Variants in ATP2B2 observed in about 807,000 individuals in gnomAD.
ATP2B2 encodes ATPase plasma membrane Ca2+ transporting 2.
In ATP2B2, 15 loss-of-function variants were observed where a neutral mutation model predicts 120.0. The ratio of observed to expected loss-of-function variants is 0.12; its 90% confidence interval spans 0.08 to 0.19. ATP2B2 has a LOEUF of 0.19. Ranked by LOEUF, ATP2B2 falls within the 10% of genes least tolerant of loss-of-function variation. ATP2B2 has a pLI of 1.00. For synonymous variants in ATP2B2, 694 were observed against 700.3 expected, an observed-to-expected ratio of 0.99 and a Z score of 0.14; for missense variants, 1,045 against 1,719.8, an observed-to-expected ratio of 0.61 and a Z score of 6.94.
At chr3:10,475,188 A>C (rs1366223500) in intron 1 of ATP2B2, among the ~76,000 whole-genome samples, 1 of 152,248 alleles carries the variant, frequency 6.6e-6, no homozygotes, top group African/African-American at 2.4e-5. Flanking sequence ...GAAAAAATGA[A>C]GAGACAAAAG....
chr3:10,387,266 C>T (rs145175642), intron 6 of ATP2B2, among the ~76,000 whole-genome samples: 2,646 of 152,338 alleles, frequency 0.017, 56 homozygotes, highest in Non-Finnish European at 0.025. Context: ...GCTGGAGGGG[C>T]CACCATAATC....
chr3:10,366,888 A>G (rs1206952994), intron 12 of ATP2B2, among the ~76,000 whole-genome samples: 2 of 152,222 alleles, frequency 1.3e-5, no homozygotes, highest in Non-Finnish European at 1.5e-5. Context: ...CTAAAAGATG[A>G]TTCACACAGC....
rs371159930 is a variant in ATP2B2 at position 10,375,538 on chromosome 3, G to A, written c.1308C>T (p.Tyr436=). The A allele has an allele frequency of 1.7e-5, 27 of 1,613,594 alleles. No individual in the cohort carries two copies. Among genetic ancestry groups the A allele is most frequent in the East Asian group, 6.7e-5 (3 of 44,902 alleles). The part of the protein sequence containing the change: ...KPWLPECTPV[Y]VQYFVKFFII... ...TGAAGAACTTGACAAAGTACTGCAC[G>A]TAGACGGGCGTGCACTCAGGCAGCC... Residue 436 remains tyrosine (Y), a synonymous_variant, in exon 11 of 23, where the codon TAC becomes TAT. Coordinates refer to ENST00000360273, the MANE Select transcript of ATP2B2 (RefSeq NM_001001331.4). This position sits in a 1 kb window ranked among gnomAD's most constrained non-coding sequence, Gnocchi z 4.2.
At chr3:10,399,776 G>T (rs977073645) in intron 5 of ATP2B2, among the ~76,000 whole-genome samples, 1 of 152,150 alleles carries the variant, frequency 6.6e-6, no homozygotes, top group African/African-American at 2.4e-5. Context: ...GGTTCCCTCT[G>T]CTAGGAGGGC....
At chr3:10,452,858 T>C (rs1047107548) in intron 1 of ATP2B2, among the ~76,000 whole-genome samples, 4 of 152,242 alleles carry the variant, frequency 2.6e-5, no homozygotes, top group African/African-American at 4.8e-5. Context: ...GCCTCAGTCC[T>C]TGACGCTTAA....
intron 1 of ATP2B2, among the ~76,000 whole-genome samples, chr3:10,697,114 T>C (rs148927134): frequency 1.3e-5 from 2 of 152,286 alleles, no homozygotes; most frequent in East Asian, 3.9e-4. Context: ...CCATGGCTCC[T>C]CAAGCCCACC....
intron 1 of ATP2B2, among the ~76,000 whole-genome samples, chr3:10,659,529 C>A (rs1269055586): frequency 6.6e-6 from 1 of 152,144 alleles, no homozygotes; most frequent in African/African-American, 2.4e-5. Context: ...GGGATCAATT[C>A]AACAAGAAGA....
chr3:10,402,436 G>A lies in ATP2B2; in HGVS notation c.398-88C>T. ...TGGATTTACAGCTCAGCTCTGCAAA[G>A]TAACAAGTGTTAAGAATCAGATGAT... On this transcript the variant is annotated intron_variant, in intron 3 of 22. Coordinates refer to ENST00000360273, the MANE Select transcript of ATP2B2 (RefSeq NM_001001331.4). The surrounding 1 kb of genome is among the most constrained non-coding windows in gnomAD (Gnocchi z 4.9). The A allele has an allele frequency of 1.3e-6, 2 of 1,557,506 alleles. No individual in the cohort carries two copies. The highest frequency in any genetic ancestry group is 2.2e-5 in the South Asian group (2 of 90,062).
At chr3:10,573,056 A>C in intron 2 of ATP2B2, among the ~76,000 whole-genome samples, 1 of 152,148 alleles carries the variant, frequency 6.6e-6, no homozygotes, top group Non-Finnish European at 1.5e-5. Context: ...CAACACACAA[A>C]GCAATTTCTG....
chr3:10,509,117 G>A (rs2066708382), upstream of ATP2B2, among the ~76,000 whole-genome samples: 1 of 152,178 alleles, frequency 6.6e-6, no homozygotes, highest in South Asian at 2.1e-4. Context: ...GGCTGCTGGA[G>A]GCTCTCTGCA....
intron 11 of ATP2B2, among the ~76,000 whole-genome samples, chr3:10,374,361 G>A (rs542827124): frequency 4.6e-5 from 7 of 152,324 alleles, no homozygotes; most frequent in African/African-American, 7.2e-5. Flanking sequence ...GATAAGGGCC[G>A]TATTTGTTAC....
At chr3:10,363,265 G>T (rs1319331789) in intron 12 of ATP2B2, among the ~76,000 whole-genome samples, 2 of 152,104 alleles carry the variant, frequency 1.3e-5, no homozygotes, top group African/African-American at 4.8e-5. Flanking sequence ...TTGAGATCCT[G>T]ACAAACCCAG....
At chr3:10,643,923 T>C (rs137922858) in intron 1 of ATP2B2, among the ~76,000 whole-genome samples, 6 of 152,182 alleles carry the variant, frequency 3.9e-5, no homozygotes, top group Non-Finnish European at 7.4e-5. Flanking sequence ...AATAGATAAA[T>C]TGGACTTCAT....
At chr3:10,444,355 C>T (rs1409868480) in intron 2 of ATP2B2, among the ~76,000 whole-genome samples, 1 of 152,176 alleles carries the variant, frequency 6.6e-6, no homozygotes, top group East Asian at 1.9e-4. Flanking sequence ...CACGGAAGAC[C>T]CCTGCCCCTG....
chr3:10,374,988 A>G (rs912668297), intron 11 of ATP2B2, among the ~76,000 whole-genome samples: 5 of 152,244 alleles, frequency 3.3e-5, no homozygotes, highest in South Asian at 2.1e-4. Flanking sequence ...TGAGACCGCC[A>G]GACTTCTACG....
chr3:10,455,451 T>C (rs1202014319), intron 1 of ATP2B2, among the ~76,000 whole-genome samples: 1 of 152,250 alleles, frequency 6.6e-6, no homozygotes, highest in Non-Finnish European at 1.5e-5. Flanking sequence ...CTAACTTTGC[T>C]GGGCTTCCTC....
chr3:10,601,091 C>T (rs1036081400), intron 2 of ATP2B2, among the ~76,000 whole-genome samples: 1 of 152,168 alleles, frequency 6.6e-6, no homozygotes, highest in African/African-American at 2.4e-5. Flanking sequence ...CCAGGTCCGG[C>T]CTTGCGGGCT....
At chr3:10,370,151 A>C (rs1320679316) in intron 12 of ATP2B2, among the ~76,000 whole-genome samples, 1 of 152,238 alleles carries the variant, frequency 6.6e-6, no homozygotes, top group Non-Finnish European at 1.5e-5. Context: ...CCGGTGCTAA[A>C]AAGCACTGCT....
intron 1 of ATP2B2, among the ~76,000 whole-genome samples, chr3:10,624,974 G>A (rs1315460638): frequency 1.3e-5 from 2 of 152,166 alleles, no homozygotes; most frequent in Non-Finnish European, 2.9e-5. Flanking sequence ...TGGGAAAGCG[G>A]GCCTTTCTGT....
Sources: allele counts gnomAD v4.1 joint callset (sites outside exome capture counted in the v4.1 genomes callset), GRCh38; gene constraint gnomAD v4.1.1; non-coding constraint Gnocchi (gnomAD v3.1); transcripts MANE v1.5; gene names NCBI Gene and HGNC (gene_info 2026-07-23, HGNC 2026-07-21).